ABCC4: variants seen among roughly 807,000 people sequenced by gnomAD.
ABCC4 encodes ATP binding cassette subfamily C member 4 (PEL blood group).
ABCC4 carries 102 observed loss-of-function variants against 168.5 expected under a neutral mutation model. The observed-to-expected ratio is 0.61, with a 90% CI of 0.52 to 0.71. The LOEUF (loss-of-function observed/expected upper bound fraction) is 0.71. Ranked by LOEUF, ABCC4 falls within the 30% of genes least tolerant of loss-of-function variation. ABCC4 has a pLI of 0.00. For missense variants in ABCC4, 1,402 were observed against 1,605.8 expected, an observed-to-expected ratio of 0.87 and a Z score of 2.17; for synonymous variants, 617 against 590.7, an observed-to-expected ratio of 1.04 and a Z score of -0.65.
At chr13:95,120,686 C>A (rs1210273159) in intron 19 of ABCC4, among the ~76,000 whole-genome samples, 1 of 151,484 alleles carries the variant, frequency 6.6e-6, no homozygotes, top group African/African-American at 2.4e-5. Context: ...GTGGAGTGTG[C>A]AAAGGGCAAA....
intron 30 of ABCC4, among the ~76,000 whole-genome samples, chr13:95,029,205 TATATATATAGAGAGAGAGAGAGAGAG>T (rs1566355479): frequency 1.9e-5 from 1 of 53,604 alleles, no homozygotes; most frequent in Admixed American, 2.1e-4. Flanking sequence ...TATATATATA[TATATATATAGAGAGAGAGAGAGAGAG>T]AGAGAGAGAG....
chr13:95,054,907 G>C lies in ABCC4; in HGVS notation c.3367-1723C>G, dbSNP rs375004883. Among the ~76,000 whole-genome samples, 73 of 152,294 alleles carry C rather than the reference G, an allele frequency of 4.8e-4. No individual in the cohort carries two copies. In the Middle Eastern group the frequency reaches 0.01, roughly 21 times the overall value. On this transcript the variant is annotated intron_variant, in intron 26 of 30. Transcript: ENST00000645237. Reference sequence around the variant, plus strand: ...CCCTATCGTCTCCGTTTTAAGGCTGGTGAGGAAGAAATGGATGTAGAAGGC... The same window carrying C: ...CCCTATCGTCTCCGTTTTAAGGCTGCTGAGGAAGAAATGGATGTAGAAGGC...
intron 8 of ABCC4, among the ~76,000 whole-genome samples, chr13:95,201,043 C>T (rs2038610687): frequency 6.6e-6 from 1 of 152,188 alleles, no homozygotes; most frequent in East Asian, 1.9e-4. Flanking sequence ...CTGAAAATCA[C>T]TACTGCTGAA....
chr13:95,074,180 C>A (rs1394844234), intron 23 of ABCC4, 34 bp downstream of exon 23: 9 of 1,485,296 alleles, frequency 6.1e-6, no homozygotes, highest in Non-Finnish European at 8.4e-6. Flanking sequence ...AAATTGTAAT[C>A]ATACCATACA....
intron 26 of ABCC4, among the ~76,000 whole-genome samples, chr13:95,061,186 A>AT: frequency 6.6e-6 from 1 of 152,296 alleles, no homozygotes; most frequent in East Asian, 1.9e-4. Context: ...GGGTACTGTG[A>AT]TGATCATGGA....
chr13:95,063,048 G>A (rs2033363061), intron 25 of ABCC4, among the ~76,000 whole-genome samples, 189 bp from the exon 26 acceptor site: 1 of 152,126 alleles, frequency 6.6e-6, no homozygotes. Context: ...TTTGGAAGCT[G>A]CCCCAGGCAT....
intron 1 of ABCC4, among the ~76,000 whole-genome samples, chr13:95,283,617 T>G (rs908423075): frequency 3.9e-5 from 6 of 152,058 alleles, no homozygotes; most frequent in Admixed American, 1.3e-4. Flanking sequence ...GGCAGCAGAA[T>G]GCAGAGATTA....
At chr13:95,074,183 A>G in intron 23 of ABCC4, 31 bp downstream of exon 23, 3 of 1,499,262 alleles carry the variant, frequency 2.0e-6, no homozygotes, top group Non-Finnish European at 2.8e-6. Flanking sequence ...TTGTAATCAT[A>G]CCATACATAG....
intron 20 of ABCC4, among the ~76,000 whole-genome samples, chr13:95,091,084 C>A (rs1046697774): frequency 1.3e-5 from 2 of 152,002 alleles, no homozygotes; most frequent in Non-Finnish European, 2.9e-5. Flanking sequence ...TAACCCAATC[C>A]AACAAATACA....
At chr13:95,182,838 G>C (rs149193320) in intron 11 of ABCC4, among the ~76,000 whole-genome samples, 115 of 152,270 alleles carry the variant, frequency 7.6e-4, no homozygotes, top group Non-Finnish European at 7.3e-4. Flanking sequence ...TCTAACATTA[G>C]TATGTTGTTT....
chr13:95,093,044 T>A (rs1197325061), intron 20 of ABCC4, among the ~76,000 whole-genome samples: 1 of 152,038 alleles, frequency 6.6e-6, no homozygotes, highest in Non-Finnish European at 1.5e-5. Context: ...ACTGAAATGG[T>A]AATTTAAAAA....
chr13:95,207,964 C>T, intron 6 of ABCC4, 39 bp from the exon 7 acceptor site: 1 of 1,603,090 alleles, frequency 6.2e-7, no homozygotes. Context: ...CCTGAGCGAT[C>T]ACAGCCTGCC....
intron 1 of ABCC4, among the ~76,000 whole-genome samples, chr13:95,295,527 G>A (rs60895967): frequency 1.1e-4 from 16 of 151,844 alleles, no homozygotes; most frequent in Non-Finnish European, 2.1e-4. Flanking sequence ...ATGCAGTGGC[G>A]TGCGCTTGTA....
At chr13:95,197,524 A>G (rs1043694525) in intron 8 of ABCC4, among the ~76,000 whole-genome samples, 5 of 152,208 alleles carry the variant, frequency 3.3e-5, no homozygotes, top group African/African-American at 1.2e-4. Flanking sequence ...CAACACATGA[A>G]CGGCTTGTAA....
At chr13:95,165,213 A>G (rs2037232878) in intron 15 of ABCC4, among the ~76,000 whole-genome samples, 1 of 152,208 alleles carries the variant, frequency 6.6e-6, no homozygotes, top group Non-Finnish European at 1.5e-5. Flanking sequence ...CTCAAGATGG[A>G]AACATAAAAG....
In ABCC4 at chr13:95,164,473, C is replaced by T. The variant is rs1427049098; in HGVS notation, c.2080G>A (p.Gly694Arg). 6.2e-7 allele frequency: 1 copy of T among 1,614,116 alleles called. No individual in the cohort carries two copies. The highest frequency in any genetic ancestry group is 1.3e-5 in the African/African-American group (1 of 75,030). ...TTATAGGCCTGAAAACCAACTTTTC[C>T]TTCAGAACGGTTCTCCTCTGATAGT... ...VTLSEENRSE[G>R]KVGFQAYKNY... Residue 694 changes from glycine (G) to arginine (R), a missense_variant, in exon 16 of 31, where the codon GGA becomes AGA. Around this residue, in one of 3 missense-constraint regions of ABCC4, gnomAD observed 1,007 missense variants for 1,127.3 expected, o/e 0.89. Coordinates refer to ENST00000645237, the MANE Select transcript of ABCC4 (RefSeq NM_005845.5).
At chr13:95,062,505 CACAGAG>C (rs1053397937) in intron 26 of ABCC4, among the ~76,000 whole-genome samples, 193 bp downstream of exon 26, 22 of 151,254 alleles carry the variant, frequency 1.5e-4, no homozygotes, top group Non-Finnish European at 2.8e-4. Flanking sequence ...CACACACACA[CACAGAG>C]AGAGAGAGAA....
chr13:95,197,542 G>A (rs542521725), intron 8 of ABCC4, among the ~76,000 whole-genome samples: 180 of 152,344 alleles, frequency 1.2e-3, no homozygotes, highest in African/African-American at 4.2e-3. Flanking sequence ...TAAAGATGCT[G>A]GAGGGGCTAG....
chr13:95,206,873 G>A lies in ABCC4; in HGVS notation c.912-92C>T, dbSNP rs2038798195. 5 of 1,433,756 alleles carry A rather than the reference G, an allele frequency of 3.5e-6. No homozygotes were observed. In the Admixed American group the frequency reaches 9.1e-5, roughly 26 times the overall value. 88.8% of individuals were successfully genotyped at this position (1,433,756 alleles called of 1,614,324 possible). On this transcript the variant is annotated intron_variant, in intron 7 of 30. Coordinates refer to ENST00000645237, the MANE Select transcript of ABCC4 (RefSeq NM_005845.5). ...ATCTCAGCACTTTGGGAGCTGAGGT[G>A]GATGAATTGTTTGAACCCAGGAGTT...
Sources: gnomAD v4.1 joint callset for allele counts (sites outside exome capture counted in the v4.1 genomes callset) on GRCh38, gnomAD v4.1.1 for gene constraint, gnomAD v4.1.1 regional missense constraint, MANE v1.5 for transcripts, NCBI Gene and HGNC (gene_info 2026-07-23, HGNC 2026-07-21) for gene names.